Variants in GLRA2 observed in about 807,000 individuals in gnomAD.
The protein encoded by GLRA2 is glycine receptor alpha 2.
GLRA2 carries 11 observed loss-of-function variants against 31.6 expected under a neutral mutation model. The ratio of observed to expected loss-of-function variants is 0.35; its 90% CI spans 0.22 to 0.58. The LOEUF is 0.58. Among genes scored for constraint, GLRA2 ranks in the 20% least tolerant of loss-of-function variants. The pLI is 0.84. For missense variants in GLRA2, 212 were observed against 351.8 expected, an observed-to-expected ratio of 0.60 and a Z score of 3.18; for synonymous variants, 132 against 134.0, an observed-to-expected ratio of 0.99 and a Z score of 0.10.
intron 2 of GLRA2, among the ~76,000 whole-genome samples, chrX:14,572,313 C>A (rs1055405280): frequency 4.5e-5 from 5 of 111,972 alleles, no homozygotes; most frequent in African/African-American, 1.6e-4. Context: ...TTCTCTTTTT[C>A]CTGTTTATTT....
At chrX:14,489,284 G>A in the GLRA2 span, among the ~76,000 whole-genome samples, 1 of 111,101 alleles carries the variant, frequency 9.0e-6, no homozygotes, top group Non-Finnish European at 1.9e-5. Flanking sequence ...TTTTCTGATG[G>A]TATAAAGGGG....
intron 2 of GLRA2, among the ~76,000 whole-genome samples, chrX:14,562,166 G>A (rs766973206): frequency 2.6e-4 from 29 of 112,345 alleles, no homozygotes; most frequent in African/African-American, 6.8e-4. Context: ...TCAACAAAAC[G>A]GCACAGTAGA....
chrX:14,564,801 G>A (rs2089780719), intron 2 of GLRA2, among the ~76,000 whole-genome samples: 1 of 111,832 alleles, frequency 8.9e-6, no homozygotes, highest in Non-Finnish European at 1.9e-5. Flanking sequence ...GCTATCATAT[G>A]TTATTGAAGT....
intron 7 of GLRA2, among the ~76,000 whole-genome samples, chrX:14,685,894 A>G (rs765212769): frequency 2.4e-4 from 27 of 111,237 alleles, no homozygotes; most frequent in Middle Eastern, 4.6e-3. Context: ...AGTTCTTTTA[A>G]TTGTGATGTT....
intron 2 of GLRA2, among the ~76,000 whole-genome samples, chrX:14,532,795 T>C (rs1003088714): frequency 8.9e-6 from 1 of 111,935 alleles, no homozygotes; most frequent in East Asian, 2.8e-4. Context: ...CTCTATAAAA[T>C]ATGCCACTTT....
At chrX:14,574,461 A>G in intron 3 of GLRA2, 61 bp downstream of exon 3, 1 of 1,171,756 alleles carries the variant, frequency 8.5e-7, no homozygotes, top group Non-Finnish European at 1.2e-6. Context: ...GTGAACACAA[A>G]CTGTCAAATT....
At chrX:14,472,352 G>A in the GLRA2 span, among the ~76,000 whole-genome samples, 1 of 111,862 alleles carries the variant, frequency 8.9e-6, no homozygotes, top group African/African-American at 3.3e-5. Context: ...ATCTCATATG[G>A]CATCTCTTTT....
intron 8 of GLRA2, among the ~76,000 whole-genome samples, chrX:14,726,409 C>T (rs2091929416): frequency 8.9e-6 from 1 of 112,098 alleles, no homozygotes; most frequent in Admixed American, 9.5e-5. Flanking sequence ...AGCATTCATA[C>T]CTCCTGCACA....
chrX:14,716,993 C>A (rs776109074), intron 8 of GLRA2, among the ~76,000 whole-genome samples: 1 of 110,571 alleles, frequency 9.0e-6, no homozygotes, highest in African/African-American at 3.3e-5. Flanking sequence ...AAAAATATGC[C>A]TCCTATTATA....
the GLRA2 span, among the ~76,000 whole-genome samples, chrX:14,495,578 G>C: frequency 9.2e-6 from 1 of 108,893 alleles, no homozygotes; most frequent in Non-Finnish European, 1.9e-5. Context: ...ATATGTCTGT[G>C]TGAGTGTGTG....
chrX:14,697,143 CCAG>C (rs767686959), intron 8 of GLRA2, among the ~76,000 whole-genome samples: 26 of 110,956 alleles, frequency 2.3e-4, no homozygotes, highest in South Asian at 1.5e-3. Flanking sequence ...TTACTATATG[CCAG>C]GTACTCTTCT....
chrX:14,561,302 C>A (rs995584478), intron 2 of GLRA2, among the ~76,000 whole-genome samples: 5 of 112,359 alleles, frequency 4.5e-5, no homozygotes, highest in African/African-American at 6.5e-5. Flanking sequence ...ATGGTCAGTC[C>A]TCATTTCATC....
At chrX:14,719,312 G>T (rs1191470990) in intron 8 of GLRA2, among the ~76,000 whole-genome samples, 1 of 111,478 alleles carries the variant, frequency 9.0e-6, no homozygotes, top group African/African-American at 3.3e-5. Flanking sequence ...TCCAATAAGG[G>T]ATCAATATCA....
intron 7 of GLRA2, among the ~76,000 whole-genome samples, chrX:14,675,794 G>A (rs1201478406): frequency 8.9e-6 from 1 of 111,778 alleles, no homozygotes; most frequent in Non-Finnish European, 1.9e-5. Flanking sequence ...ATGAATCTTT[G>A]GCACCAGGAT....
intron 7 of GLRA2, among the ~76,000 whole-genome samples, chrX:14,631,195 A>G (rs1021008744): frequency 9.0e-6 from 1 of 111,502 alleles, no homozygotes; most frequent in Non-Finnish European, 1.9e-5. Flanking sequence ...GTTAATCTCA[A>G]TTCAGTATAT....
rs781347304 is a variant in GLRA2, at chrX:14,641,007, T to C, written c.930+31802T>C. 7.2e-5 allele frequency among the ~76,000 whole-genome samples: 8 copies of C among 111,318 alleles called. No individual in the cohort carries two copies. The South Asian group carries it at 3.0e-3, about 42-fold the overall frequency. On this transcript the variant is annotated intron_variant, in intron 7 of 8. Coordinates refer to ENST00000218075, the MANE Select transcript of GLRA2 (RefSeq NM_002063.4). ...AGCAAAATATGAGAGTTCCAATTGC[T>C]CCACATCCATGTCAACACTCATTAT...
the GLRA2 span, among the ~76,000 whole-genome samples, chrX:14,463,596 C>A: frequency 9.0e-6 from 1 of 111,309 alleles, no homozygotes; most frequent in South Asian, 3.9e-4. Context: ...CCTCTCCCTG[C>A]CAAGCTCCTG....
chrX:14,594,002 G>A (rs747799453), intron 4 of GLRA2, among the ~76,000 whole-genome samples: 7 of 112,247 alleles, frequency 6.2e-5, no homozygotes, highest in South Asian at 7.4e-4. Flanking sequence ...ATTATGCTTG[G>A]TTTCAAAGTG....
chrX:14,521,711 T>C, the GLRA2 span, among the ~76,000 whole-genome samples: 17 of 111,929 alleles, frequency 1.5e-4, no homozygotes, highest in Non-Finnish European at 1.1e-4. Context: ...TTCCAGACCA[T>C]TGCAATAAAG....
Sources: gnomAD v4.1 joint callset for allele counts (sites outside exome capture counted in the v4.1 genomes callset) on GRCh38, gnomAD v4.1.1 for gene constraint, MANE v1.5 for transcripts, NCBI Gene and HGNC (gene_info 2026-07-23, HGNC 2026-07-21) for gene names.